RFC3: variants seen among roughly 807,000 people sequenced by gnomAD.
RFC3 encodes the protein replication factor C subunit 3.
Under a neutral mutation model 45.1 loss-of-function variants are expected in RFC3, and 41 were observed. That is an observed-to-expected ratio of 0.91 (90% CI 0.71 to 1.18). RFC3 has a LOEUF of 1.18. Among genes scored for constraint, RFC3 ranks in the 50% most tolerant of loss-of-function variants. RFC3 has a pLI of 0.00. For synonymous variants in RFC3, 149 were observed against 144.0 expected, an observed-to-expected ratio of 1.03 and a Z score of -0.25; for missense variants, 423 against 428.1, an observed-to-expected ratio of 0.99 and a Z score of 0.10.
At position 33,898,597 on chromosome 13, in the gene RFC3, T is replaced by C. The variant is rs924802882; in HGVS notation, c.879+63380T>C. ...AACAACTTAATGATGTACCTCAATGTACTAGGGAGGTAGAACAAATCAAAT... is the reference window on the plus strand; with the variant it reads ...AACAACTTAATGATGTACCTCAATGCACTAGGGAGGTAGAACAAATCAAAT... On this transcript the variant is annotated intron_variant, in intron 8 of 8. Coordinates refer to the RFC3 transcript ENST00000434425. 2.6e-5 allele frequency among the ~76,000 whole-genome samples: 4 copies of C among 151,908 alleles called. No individual in the cohort carries two copies. The South Asian group carries it at 8.3e-4, about 31-fold the overall frequency.
At chr13:33,879,343 G>A (rs1179916433) in intron 8 of RFC3, among the ~76,000 whole-genome samples, 1 of 152,090 alleles carries the variant, frequency 6.6e-6, no homozygotes, top group Non-Finnish European at 1.5e-5. Context: ...GTTTCCTGAA[G>A]CAAAATAGGC....
chr13:33,855,262 A>T (rs2137518672), intron 8 of RFC3, among the ~76,000 whole-genome samples: 1 of 152,280 alleles, frequency 6.6e-6, no homozygotes, highest in East Asian at 1.9e-4. Context: ...ATCTGATTTT[A>T]TATTTCTTAA....
At chr13:33,887,294 C>T (rs1158607797) in intron 8 of RFC3, among the ~76,000 whole-genome samples, 2 of 150,920 alleles carry the variant, frequency 1.3e-5, no homozygotes, top group African/African-American at 4.9e-5. Flanking sequence ...TCTCCAGCAC[C>T]TGTTGTTTCC....
intron 8 of RFC3, among the ~76,000 whole-genome samples, chr13:33,912,800 C>A (rs543615764): frequency 2.5e-4 from 38 of 152,178 alleles, no homozygotes; most frequent in African/African-American, 8.7e-4. Flanking sequence ...GAAGAGATTG[C>A]CATAACCAAG....
intron 8 of RFC3, among the ~76,000 whole-genome samples, chr13:33,856,460 C>T (rs1352334950): frequency 6.6e-6 from 1 of 152,158 alleles, no homozygotes; most frequent in East Asian, 1.9e-4. Flanking sequence ...ATGTAACAAA[C>T]CTGCACATGT....
intron 8 of RFC3, among the ~76,000 whole-genome samples, chr13:33,965,658 G>A (rs973645839): frequency 1.3e-5 from 2 of 152,176 alleles, no homozygotes; most frequent in African/African-American, 4.8e-5. Flanking sequence ...CCAAGGAAAG[G>A]GGTTTGCCTG....
chr13:33,954,746 A>T (rs775909054), intron 8 of RFC3, among the ~76,000 whole-genome samples: 1 of 152,124 alleles, frequency 6.6e-6, no homozygotes, highest in Non-Finnish European at 1.5e-5. Flanking sequence ...CAGGTCTCTG[A>T]ATTCCCTTAT....
At chr13:33,972,625 G>A in the RFC3 span, among the ~76,000 whole-genome samples, 1 of 152,096 alleles carries the variant, frequency 6.6e-6, no homozygotes, top group East Asian at 1.9e-4. Flanking sequence ...TCTCCAAATG[G>A]ACACCAAACT....
At chr13:33,835,904 C>A (rs1285470772) in intron 8 of RFC3, among the ~76,000 whole-genome samples, 200 bp from the exon 9 acceptor site, 1 of 152,044 alleles carries the variant, frequency 6.6e-6, no homozygotes, top group African/African-American at 2.4e-5. Context: ...GTGGTTGATA[C>A]CCACCACATT....
At chr13:33,847,641 C>T (rs992445623) in intron 8 of RFC3, 1 of 151,676 alleles carries the variant, frequency 6.6e-6, no homozygotes, top group Non-Finnish European at 1.5e-5. Context: ...TCTCTTTCTA[C>T]TCTTTACACA....
chr13:33,926,226 G>A (rs2082812208), intron 8 of RFC3, among the ~76,000 whole-genome samples: 1 of 117,132 alleles, frequency 8.5e-6, no homozygotes, highest in South Asian at 3.3e-4. Flanking sequence ...GGGGAGGGGG[G>A]AGGGATAGCA....
chr13:33,877,026 A>G (rs2082452226), intron 8 of RFC3, among the ~76,000 whole-genome samples: 1 of 152,160 alleles, frequency 6.6e-6, no homozygotes, highest in Non-Finnish European at 1.5e-5. Context: ...CCTGGGGAGG[A>G]GGCAAGATAA....
intron 8 of RFC3, among the ~76,000 whole-genome samples, chr13:33,955,849 G>A (rs1044588207): frequency 6.6e-6 from 1 of 152,144 alleles, no homozygotes; most frequent in African/African-American, 2.4e-5. Context: ...CGCATGTGCA[G>A]GCCACGTGCA....
intron 8 of RFC3, among the ~76,000 whole-genome samples, chr13:33,948,263 C>T (rs1273507107): frequency 2.0e-5 from 3 of 152,222 alleles, no homozygotes; most frequent in African/African-American, 7.2e-5. Flanking sequence ...GCCATTGCTT[C>T]AGAGGGTTCA....
intron 8 of RFC3, chr13:33,846,699 T>G (rs979066433): frequency 2.0e-5 from 3 of 151,402 alleles, no homozygotes; most frequent in Non-Finnish European, 4.4e-5. Flanking sequence ...TGCAGTCTTG[T>G]GGCGTAGACT....
chr13:33,866,351 T>C (rs2082373537), intron 8 of RFC3, among the ~76,000 whole-genome samples: 1 of 152,202 alleles, frequency 6.6e-6, no homozygotes, highest in African/African-American at 2.4e-5. Context: ...CTAGCAGTTA[T>C]TTGGGAGAGG....
intron 8 of RFC3, chr13:33,966,052 T>G: frequency 1.3e-6 from 2 of 1,523,882 alleles, no homozygotes; most frequent in Non-Finnish European, 1.8e-6. Flanking sequence ...GGGTCTGTGA[T>G]AAACAATTGA....
intron 8 of RFC3, among the ~76,000 whole-genome samples, chr13:33,908,389 C>CT (rs1479162282): frequency 5.3e-5 from 8 of 151,944 alleles, no homozygotes; most frequent in African/African-American, 1.9e-4. Flanking sequence ...GCCAAAAGAG[C>CT]TGTGGTTATC....
At chr13:33,833,892 T>TG (rs1303192793) in intron 7 of RFC3, among the ~76,000 whole-genome samples, 27 of 152,092 alleles carry the variant, frequency 1.8e-4, no homozygotes, top group Non-Finnish European at 4.4e-5. Context: ...ATCATTGTTG[T>TG]GGGGAATTAA....
Sources: allele counts gnomAD v4.1 joint callset (sites outside exome capture counted in the v4.1 genomes callset), GRCh38; gene constraint gnomAD v4.1.1; transcripts MANE v1.5; gene names NCBI Gene and HGNC (gene_info 2026-07-23, HGNC 2026-07-21).